Variants in DOCK3 observed in about 807,000 individuals in gnomAD.
DOCK3 encodes the protein dedicator of cytokinesis protein 3.
DOCK3 carries 60 observed loss-of-function variants against 265.6 expected under a neutral mutation model. The observed-to-expected ratio is 0.23, with a 90% CI of 0.18 to 0.28. The LOEUF (loss-of-function observed/expected upper bound fraction) is 0.28. Ranked by LOEUF, DOCK3 falls within the 10% of genes least tolerant of loss-of-function variation. The pLI is 1.00. For synonymous variants in DOCK3, 881 were observed against 938.0 expected, an observed-to-expected ratio of 0.94 and a Z score of 1.11; for missense variants, 1,981 against 2,594.3, an observed-to-expected ratio of 0.76 and a Z score of 5.14.
chr3:50,787,559 C>T (rs1182628454), intron 2 of DOCK3: 2 of 814,550 alleles, frequency 2.5e-6, no homozygotes, highest in Admixed American at 2.4e-5. Context: ...CCCTGGGTCA[C>T]TTCTCACAGG....
intron 11 of DOCK3, 148 bp from the exon 12 acceptor site, chr3:51,160,407 C>A: frequency 1.0e-6 from 1 of 969,290 alleles, no homozygotes; most frequent in Non-Finnish European, 1.4e-6. Context: ...ACATAAATAT[C>A]CTTGGATGAC....
At chr3:50,805,416 G>A (rs1283285766) in intron 2 of DOCK3, among the ~76,000 whole-genome samples, 1 of 152,150 alleles carries the variant, frequency 6.6e-6, no homozygotes, top group East Asian at 1.9e-4. Context: ...GTCAGCTGGG[G>A]TTGGGGCCAT....
At chr3:50,932,421 G>C (rs970909578) in intron 4 of DOCK3, among the ~76,000 whole-genome samples, 4 of 151,580 alleles carry the variant, frequency 2.6e-5, no homozygotes, top group Admixed American at 6.6e-5. Flanking sequence ...TATTCCCCTT[G>C]GCTAATAAAC....
At position 51,070,238 on chromosome 3, in the gene DOCK3, C is replaced by T. The variant is rs187205702; in HGVS notation, c.465-5118C>T. Among the ~76,000 whole-genome samples the T allele has an allele frequency of 2.3e-3, 353 of 152,280 alleles. 2 individuals carry two copies. Among genetic ancestry groups the T allele is most frequent in the African/African-American group, 8.3e-3 (343 of 41,564 alleles). ...TCATTAATCAATTGATATTTGTTTCCTTCTGGTTTGATGTTTGACACAGAA... is the reference window on the plus strand; with the variant it reads ...TCATTAATCAATTGATATTTGTTTCTTTCTGGTTTGATGTTTGACACAGAA... On this transcript the variant is annotated intron_variant, in intron 6 of 52. Coordinates refer to ENST00000266037, the MANE Select transcript of DOCK3 (RefSeq NM_004947.5).
At position 51,345,403 on chromosome 3, in the gene DOCK3, G is replaced by A. The variant is rs137915209; in HGVS notation, c.3916-3449G>A. Among the ~76,000 whole-genome samples the A allele has an allele frequency of 6.7e-4, 102 of 152,254 alleles. 1 individual carries two copies. The highest frequency in any genetic ancestry group is 1.8e-3 in the African/African-American group (74 of 41,540). ...AGGTGGTAGGATGGCTTGAGACTACGAGTTTGAGACCAGCCGAGGTAACAT... is the reference window on the plus strand; with the variant it reads ...AGGTGGTAGGATGGCTTGAGACTACAAGTTTGAGACCAGCCGAGGTAACAT... On this transcript the variant is annotated intron_variant, in intron 38 of 52. Coordinates refer to ENST00000266037, the MANE Select transcript of DOCK3 (RefSeq NM_004947.5).
chr3:51,159,375 G>A lies in DOCK3; in HGVS notation c.889+71G>A, dbSNP rs1034250651. 3.5e-6 allele frequency: 5 copies of A among 1,440,132 alleles called. No homozygotes were observed. The Admixed American group carries it at 8.4e-5, about 24-fold the overall frequency. 89.2% of individuals were successfully genotyped at this position (1,440,132 alleles called of 1,614,324 possible). A position where few individuals can be genotyped will look rare whatever the true frequency, so the allele number is the denominator to read the frequency against. ...TGGGATAAGTATGTCTTGTGCATGA[G>A]CTTTGTTTTCTCCCTAGATCTTACC... On this transcript the variant is annotated intron_variant, in intron 11 of 52. Coordinates refer to ENST00000266037, the MANE Select transcript of DOCK3 (RefSeq NM_004947.5).
chr3:50,751,432 C>T (rs2039801377), intron 1 of DOCK3, among the ~76,000 whole-genome samples: 1 of 152,090 alleles, frequency 6.6e-6, no homozygotes, highest in Non-Finnish European at 1.5e-5. Flanking sequence ...TCCCCCAATG[C>T]CTGGACAGGC....
At chr3:51,171,289 AGTT>A (rs1237528270) in intron 12 of DOCK3, among the ~76,000 whole-genome samples, 26 of 152,136 alleles carry the variant, frequency 1.7e-4, no homozygotes, top group Non-Finnish European at 1.5e-5. Flanking sequence ...TTGACCCATT[AGTT>A]GTTCAAGAGA....
chr3:50,989,656 C>T (rs2078036429), intron 5 of DOCK3, among the ~76,000 whole-genome samples: 5 of 152,060 alleles, frequency 3.3e-5, no homozygotes, highest in Admixed American at 2.0e-4. Flanking sequence ...ATTGACTGTA[C>T]TCAATCTACA....
rs782192537 is a variant in DOCK3 at position 51,381,438 on chromosome 3, T to A, written c.5972T>A (p.Val1991Glu). The A allele has an allele frequency of 8.3e-5, 134 of 1,608,954 alleles. No homozygotes were observed. Among genetic ancestry groups the A allele is most frequent in the Non-Finnish European group, 1.1e-4 (129 of 1,178,370 alleles). The change falls in exon 53 of 53, where the codon GTG (valine) becomes GAG (glutamate). Residue 1991 changes from valine to glutamate, a missense_variant. Transcript: ENST00000266037. The surrounding 1 kb of genome is among the most constrained non-coding windows in gnomAD (Gnocchi z 5.6). ...RLPALEHDEG[V>E]LLREETERPR... ...CCGGCCCTGGAGCACGATGAGGGGG[T>A]GCTGCTGCGTGAAGAGACTGAGAGG...
At position 51,190,867 on chromosome 3, in the gene DOCK3, A is replaced by G. The variant is rs138148990; in HGVS notation, c.1038-17907A>G. Among the ~76,000 whole-genome samples, 208 of 152,278 alleles carry G rather than the reference A, an allele frequency of 1.4e-3. 2 individuals carry two copies. Among genetic ancestry groups the G allele is most frequent in the African/African-American group, 4.7e-3 (197 of 41,572 alleles). ...ACTTGCAGGGCAAGCACTGGCCTCT[A>G]TGGAGATCACAGAGATCTCTGTGGA... On this transcript the variant is annotated intron_variant, in intron 12 of 52. Transcript: ENST00000266037.
chr3:51,072,562 C>T (rs2081916772), intron 6 of DOCK3, among the ~76,000 whole-genome samples: 1 of 151,788 alleles, frequency 6.6e-6, no homozygotes. Context: ...ACACCCACCA[C>T]CACACCCAGC....
chr3:51,049,793 C>CA (rs1553745084), intron 5 of DOCK3, among the ~76,000 whole-genome samples: 30 of 147,212 alleles, frequency 2.0e-4, no homozygotes, highest in African/African-American at 3.3e-4. Context: ...CCTAATGGGT[C>CA]CACACACACA....
Position 50,762,266 on chromosome 3 carries a change from A to G in DOCK3, c.38-16409A>G, listed in dbSNP as rs138031469. Among the ~76,000 whole-genome samples the G allele has an allele frequency of 1.2e-3, 176 of 152,228 alleles. 1 individual carries two copies. Among genetic ancestry groups the G allele is most frequent in the African/African-American group, 4.0e-3 (167 of 41,544 alleles). ...AACTTAAAGTATAAAAAAAGAAAAA[A>G]AAAAGAATAGATAACCTTAAGGTAG... On this transcript the variant is annotated intron_variant, in intron 1 of 52. Transcript: ENST00000266037.
At chr3:50,910,707 GC>G (rs1230360385) in intron 4 of DOCK3, among the ~76,000 whole-genome samples, 1 of 152,152 alleles carries the variant, frequency 6.6e-6, no homozygotes, top group Non-Finnish European at 1.5e-5. Context: ...CCAATGCAAA[GC>G]CCCACAGTCA....
intron 2 of DOCK3, among the ~76,000 whole-genome samples, chr3:50,798,499 G>A (rs1447523300): frequency 6.6e-6 from 1 of 152,176 alleles, no homozygotes; most frequent in Non-Finnish European, 1.5e-5. Flanking sequence ...AAAGAACAGT[G>A]TCCTGGGGGA....
At chr3:50,752,108 C>T (rs1249728614) in intron 1 of DOCK3, among the ~76,000 whole-genome samples, 1 of 152,132 alleles carries the variant, frequency 6.6e-6, no homozygotes, top group Non-Finnish European at 1.5e-5. Flanking sequence ...TTCTTTTCTG[C>T]TTCATAGGGA....
intron 3 of DOCK3, among the ~76,000 whole-genome samples, chr3:50,861,674 T>C (rs1407214448): frequency 6.6e-6 from 1 of 152,142 alleles, no homozygotes; most frequent in Non-Finnish European, 1.5e-5. Flanking sequence ...TATCATTGCA[T>C]GATGGCCTTC....
chr3:51,009,719 A>G (rs1257158566), intron 5 of DOCK3, among the ~76,000 whole-genome samples: 1 of 152,044 alleles, frequency 6.6e-6, no homozygotes, highest in Non-Finnish European at 1.5e-5. Context: ...TAGGGTGTCA[A>G]TTTTAGATCT....
Sources: gnomAD v4.1 joint callset for allele counts (sites outside exome capture counted in the v4.1 genomes callset) on GRCh38, gnomAD v4.1.1 for gene constraint, Gnocchi (gnomAD v3.1) non-coding constraint, MANE v1.5 for transcripts, NCBI Gene and HGNC (gene_info 2026-07-23, HGNC 2026-07-21) for gene names.